The following AUTS2 variants were observed in gnomAD, a reference collection of about 807,000 sequenced individuals.
AUTS2 encodes activator of transcription and developmental regulator AUTS2.
A neutral mutation model predicts 112.4 loss-of-function variants in AUTS2; 17 were observed. The observed-to-expected ratio is 0.15, with a 90% CI of 0.10 to 0.23. The LOEUF (loss-of-function observed/expected upper bound fraction) is 0.23. Among genes scored for constraint, AUTS2 ranks in the 10% least tolerant of loss-of-function variants. AUTS2 has a pLI of 1.00. For synonymous variants in AUTS2, 751 were observed against 702.7 expected (o/e 1.07, Z -1.09); for missense variants, 1,510 against 1,701.6 (o/e 0.89, Z 1.98).
At chr7:70,377,352 A>G (rs1358793426) in intron 4 of AUTS2, among the ~76,000 whole-genome samples, 1 of 117,268 alleles carries the variant, frequency 8.5e-6, no homozygotes, top group Non-Finnish European at 1.8e-5. Context: ...ATATATATAT[A>G]TATATATATA....
At chr7:70,230,370 C>A (rs934465165) in intron 4 of AUTS2, among the ~76,000 whole-genome samples, 1 of 152,126 alleles carries the variant, frequency 6.6e-6, no homozygotes, top group Non-Finnish European at 1.5e-5. Context: ...GAGTTTGCCA[C>A]CACCCTTACC....
At chr7:69,930,892 T>C (rs1374572033) in intron 2 of AUTS2, among the ~76,000 whole-genome samples, 1 of 152,192 alleles carries the variant, frequency 6.6e-6, no homozygotes, top group Non-Finnish European at 1.5e-5. Flanking sequence ...AGAATAGTTA[T>C]AAGTTTTGGT....
At chr7:70,016,324 A>G (rs1800025579) in intron 2 of AUTS2, among the ~76,000 whole-genome samples, 1 of 152,144 alleles carries the variant, frequency 6.6e-6, no homozygotes, top group Non-Finnish European at 1.5e-5. Context: ...TTGTTAGCTA[A>G]GGGATGGATT....
intron 1 of AUTS2, among the ~76,000 whole-genome samples, chr7:69,800,978 A>G: frequency 6.6e-6 from 1 of 152,116 alleles, no homozygotes; most frequent in East Asian, 1.9e-4. Flanking sequence ...CTAAACTAGA[A>G]TAGGTATTCC....
chr7:69,694,466 A>G (rs1215863348), intron 1 of AUTS2, among the ~76,000 whole-genome samples: 1 of 152,122 alleles, frequency 6.6e-6, no homozygotes, highest in Non-Finnish European at 1.5e-5. Context: ...AATGACATGG[A>G]AAGGAAGTCA....
intron 1 of AUTS2, among the ~76,000 whole-genome samples, chr7:69,772,410 A>G (rs1788707879): frequency 6.6e-6 from 1 of 152,204 alleles, no homozygotes; most frequent in Non-Finnish European, 1.5e-5. Context: ...ATAGAGGTAT[A>G]AGGTCCTTTC....
intron 1 of AUTS2, among the ~76,000 whole-genome samples, chr7:69,740,020 A>G (rs1205268171): frequency 6.6e-6 from 1 of 152,188 alleles, no homozygotes; most frequent in African/African-American, 2.4e-5. Flanking sequence ...GTTTGAGACT[A>G]TCTTTAGTGG....
At chr7:70,189,734 T>G (rs1319682650) in intron 4 of AUTS2, among the ~76,000 whole-genome samples, 1 of 152,246 alleles carries the variant, frequency 6.6e-6, no homozygotes, top group Non-Finnish European at 1.5e-5. Flanking sequence ...TCAAAGCTCC[T>G]TTTATTGATT....
chr7:69,641,562 T>C (rs780696873), intron 1 of AUTS2, among the ~76,000 whole-genome samples: 1 of 152,234 alleles, frequency 6.6e-6, no homozygotes, highest in East Asian at 1.9e-4. Flanking sequence ...GAGCAAGTTA[T>C]TGGACTGTGA....
intron 4 of AUTS2, among the ~76,000 whole-genome samples, chr7:70,159,246 G>A (rs1227899161): frequency 6.6e-6 from 1 of 152,106 alleles, no homozygotes; most frequent in Non-Finnish European, 1.5e-5. Flanking sequence ...TCCCTCACAC[G>A]TGTTTGAAGT....
intron 2 of AUTS2, among the ~76,000 whole-genome samples, chr7:70,040,662 G>T (rs1584622860): frequency 6.6e-6 from 1 of 152,270 alleles, no homozygotes; most frequent in South Asian, 2.1e-4. Flanking sequence ...AACCTCTCTG[G>T]CTGTATTCTC....
intron 5 of AUTS2, among the ~76,000 whole-genome samples, chr7:70,630,552 C>G (rs1346431815): frequency 6.6e-6 from 1 of 152,180 alleles, no homozygotes; most frequent in Non-Finnish European, 1.5e-5. Context: ...TTCTTTCTCT[C>G]TCTTTCCTGC....
At chr7:70,331,507 G>A (rs528504678) in intron 4 of AUTS2, among the ~76,000 whole-genome samples, 1 of 148,412 alleles carries the variant, frequency 6.7e-6, no homozygotes, top group African/African-American at 2.5e-5. Context: ...CTAGCTCCTG[G>A]ACTCATTGAT....
chr7:69,686,128 A>G (rs949307945), intron 1 of AUTS2, among the ~76,000 whole-genome samples: 2 of 152,306 alleles, frequency 1.3e-5, no homozygotes, highest in East Asian at 1.9e-4. Flanking sequence ...TTTTATGCCA[A>G]TATAAGAAAT....
intron 1 of AUTS2, among the ~76,000 whole-genome samples, chr7:69,623,547 TTTTGTTTG>T (rs746064097): frequency 2.6e-5 from 4 of 151,912 alleles, no homozygotes; most frequent in East Asian, 1.9e-4. Flanking sequence ...CATTAGGGTT[TTTTGTTTG>T]TTTGTTTGTT....
At chr7:70,081,822 A>G (rs868508215) in intron 2 of AUTS2, among the ~76,000 whole-genome samples, 13 of 152,280 alleles carry the variant, frequency 8.5e-5, no homozygotes, top group South Asian at 6.2e-4. Context: ...CTTTCAGCAT[A>G]TGGAAATCAG....
chr7:70,508,842 T>C (rs1375617524), intron 5 of AUTS2, among the ~76,000 whole-genome samples: 1 of 152,244 alleles, frequency 6.6e-6, no homozygotes, highest in Non-Finnish European at 1.5e-5. Context: ...TAGGATAACA[T>C]GCTAATGTTT....
At chr7:69,922,422 C>G (rs971649396) in intron 2 of AUTS2, among the ~76,000 whole-genome samples, 8 of 152,218 alleles carry the variant, frequency 5.3e-5, no homozygotes, top group Non-Finnish European at 1.0e-4. Flanking sequence ...ACCAAAGCCT[C>G]TTCTAAGACT....
chr7:70,116,438 T>C (rs1046155396), intron 2 of AUTS2, among the ~76,000 whole-genome samples: 1 of 152,198 alleles, frequency 6.6e-6, no homozygotes, highest in Non-Finnish European at 1.5e-5. Context: ...TCTATTCATC[T>C]TGGTTTCATC....
Sources: gnomAD v4.1 joint callset for allele counts (sites outside exome capture counted in the v4.1 genomes callset) on GRCh38, gnomAD v4.1.1 for gene constraint, MANE v1.5 for transcripts, NCBI Gene and HGNC (gene_info 2026-07-23, HGNC 2026-07-21) for gene names.